The following CSMD2 variants were observed in gnomAD, a reference collection of about 807,000 sequenced individuals.
CSMD2 encodes the protein CUB and sushi domain-containing protein 2.
Under a neutral mutation model 398.5 loss-of-function variants are expected in CSMD2, and 130 were observed. The ratio of observed to expected loss-of-function variants is 0.33; its 90% CI spans 0.28 to 0.38. The LOEUF is 0.38. Among genes scored for constraint, CSMD2 ranks in the 10% least tolerant of loss-of-function variants. The pLI, the probability that CSMD2 is intolerant of heterozygous loss-of-function variation, is 1.00. For missense variants in CSMD2, 3,829 were observed against 4,764.9 expected, an observed-to-expected ratio of 0.80 and a Z score of 5.78; for synonymous variants, 1,828 against 1,908.5, an observed-to-expected ratio of 0.96 and a Z score of 1.10.
chr1:34,153,415 A>T (rs1052820224), intron 1 of CSMD2, among the ~76,000 whole-genome samples: 1 of 152,246 alleles, frequency 6.6e-6, no homozygotes, highest in Non-Finnish European at 1.5e-5. Context: ...AAAGATTATC[A>T]TATGGATATA....
At chr1:33,681,010 C>T (rs1018539976) in intron 25 of CSMD2, among the ~76,000 whole-genome samples, 13 of 145,288 alleles carry the variant, frequency 8.9e-5, no homozygotes, top group Admixed American at 6.5e-4. Context: ...CTATAAGCTC[C>T]GCCTCCTGTG....
chr1:33,692,899 C>G (rs772344290), intron 25 of CSMD2, 31 bp downstream of exon 25: 1 of 1,604,538 alleles, frequency 6.2e-7, no homozygotes, highest in Admixed American at 1.7e-5. Context: ...GAACAACTGG[C>G]GATAGTTACT....
chr1:33,737,361 G>A (rs935752583), intron 15 of CSMD2, among the ~76,000 whole-genome samples: 5 of 152,182 alleles, frequency 3.3e-5, no homozygotes, highest in African/African-American at 9.7e-5. Context: ...GGATGGAAAC[G>A]CACCACTTGA....
At chr1:33,845,194 G>T (rs1160607061) in intron 6 of CSMD2, among the ~76,000 whole-genome samples, 2 of 152,204 alleles carry the variant, frequency 1.3e-5, no homozygotes, top group Non-Finnish European at 2.9e-5. Flanking sequence ...CTGTAATTCT[G>T]CAAATACAGA....
intron 25 of CSMD2, among the ~76,000 whole-genome samples, chr1:33,675,672 C>T (rs1462427182): frequency 2.6e-5 from 4 of 152,162 alleles, no homozygotes; most frequent in Non-Finnish European, 5.9e-5. Flanking sequence ...GAATTTTAGA[C>T]CAATATCCTT....
rs1018360658 is a variant in CSMD2 at position 34,164,068 on chromosome 1, G to T, written c.187+843C>A. 1.6e-4 allele frequency among the ~76,000 whole-genome samples: 24 copies of T among 152,194 alleles called. No individual in the cohort carries two copies. Among genetic ancestry groups the T allele is most frequent in the African/African-American group, 5.1e-4 (21 of 41,566 alleles). ...GGGAGCTGGTCCCGCCGCCCGCGCC[G>T]CCGCTGCCGCTGCCGCAGCCGAGGC... On this transcript the variant is annotated intron_variant, in intron 1 of 70. Coordinates refer to ENST00000373381, the MANE Select transcript of CSMD2 (RefSeq NM_001281956.2). The surrounding 1 kb of genome is among the most constrained non-coding windows in gnomAD (Gnocchi z 6.2).
At chr1:34,159,328 G>GCCCCCCCCCCCCC (rs753448817) in intron 1 of CSMD2, among the ~76,000 whole-genome samples, 1 of 80,616 alleles carries the variant, frequency 1.2e-5, no homozygotes, top group Admixed American at 1.0e-4. Flanking sequence ...TTTACAGCCT[G>GCCCCCCCCCCCCC]CCCCCCCCCC....
chr1:33,719,658 C>G (rs1646289890), intron 19 of CSMD2, among the ~76,000 whole-genome samples: 1 of 152,138 alleles, frequency 6.6e-6, no homozygotes. Flanking sequence ...AAGGCATGGA[C>G]TTGGGGGTAA....
intron 1 of CSMD2, among the ~76,000 whole-genome samples, chr1:34,105,938 T>A (rs114988548): frequency 1.3e-5 from 2 of 152,156 alleles, no homozygotes; most frequent in African/African-American, 4.8e-5. Context: ...CAGTAGGAGA[T>A]TAGTGAAAAT....
In CSMD2 at chr1:33,864,161, C is replaced by T; in HGVS notation, c.921-17165G>A. 3.2e-6 allele frequency: 5 copies of T among 1,561,880 alleles called. No homozygotes were observed. In the South Asian group the frequency reaches 3.7e-5, roughly 12 times the overall value. ...ACAACAGTCTCTCCTGTCCACGTTA[C>T]TGAATCCAGAAAAAAGGTGAACTTA... On this transcript the variant is annotated intron_variant, in intron 5 of 70. Transcript: ENST00000373381.
intron 1 of CSMD2, among the ~76,000 whole-genome samples, chr1:34,103,656 CACTCAGTACACATTTTTAAA>C (rs1311606975): frequency 6.6e-6 from 1 of 152,106 alleles, no homozygotes; most frequent in Admixed American, 6.6e-5. Flanking sequence ...CCATAGTAGA[CACTCAGTACACATTTTTAAA>C]TGAATGAGTG....
chr1:33,734,585 G>C (rs1286408048), intron 15 of CSMD2, among the ~76,000 whole-genome samples: 1 of 152,110 alleles, frequency 6.6e-6, no homozygotes, highest in East Asian at 1.9e-4. Flanking sequence ...AGGAGTTTGA[G>C]ACCAGTCTGG....
At chr1:33,762,653 C>T (rs1649976976) in intron 13 of CSMD2, among the ~76,000 whole-genome samples, 1 of 152,182 alleles carries the variant, frequency 6.6e-6, no homozygotes, top group African/African-American at 2.4e-5. Context: ...TACAATCTTC[C>T]AAGAAGACTT....
intron 4 of CSMD2, among the ~76,000 whole-genome samples, chr1:33,919,960 G>A (rs1341474084): frequency 6.6e-6 from 1 of 152,170 alleles, no homozygotes; most frequent in East Asian, 1.9e-4. Context: ...TGGTCAGAAG[G>A]ATAAAGACAA....
intron 12 of CSMD2, among the ~76,000 whole-genome samples, chr1:33,785,855 C>T (rs1302146275): frequency 6.6e-6 from 1 of 152,230 alleles, no homozygotes; most frequent in Non-Finnish European, 1.5e-5. Context: ...ATTCCTCTTT[C>T]CCACATGAAA....
At chr1:33,845,726 G>A (rs562899742) in intron 6 of CSMD2, among the ~76,000 whole-genome samples, 4 of 152,176 alleles carry the variant, frequency 2.6e-5, no homozygotes, top group Non-Finnish European at 4.4e-5. Flanking sequence ...ATTTCAAATG[G>A]GTACACCACC....
In CSMD2 at chr1:33,726,657, G is replaced by A; in HGVS notation, c.2397C>T (p.Pro799=). 4 of 1,612,590 alleles carry A rather than the reference G, an allele frequency of 2.5e-6. No individual in the cohort carries two copies. The highest frequency in any genetic ancestry group is 3.4e-6 in the Non-Finnish European group (4 of 1,179,926). The change falls in exon 16 of 71, where the codon CCC becomes CCT. Residue 799 remains proline (P), a synonymous_variant. Coordinates refer to ENST00000373381, the MANE Select transcript of CSMD2 (RefSeq NM_001281956.2). The stretch of plus-strand genomic sequence containing the variant: ...AGCCCGGAGAGAGGATGGTGCCGCT[G>A]GGCGAAGTCAGGTGACCACCACAGG... ...EAPCGGHLTS[P]SGTILSPGWP...
intron 39 of CSMD2, among the ~76,000 whole-genome samples, chr1:33,615,655 G>C (rs763989422): frequency 2.6e-5 from 4 of 152,228 alleles, no homozygotes; most frequent in Admixed American, 6.5e-5. Flanking sequence ...CTTGGGACAA[G>C]GCTGGCACAT....
intron 3 of CSMD2, among the ~76,000 whole-genome samples, chr1:34,028,312 T>A (rs115632812): frequency 1.2e-3 from 175 of 152,166 alleles, no homozygotes; most frequent in African/African-American, 4.1e-3. Context: ...TGAGGCCCTA[T>A]CTCAAAAAAC....
Sources: allele counts gnomAD v4.1 joint callset (sites outside exome capture counted in the v4.1 genomes callset), GRCh38; gene constraint gnomAD v4.1.1; non-coding constraint Gnocchi (gnomAD v3.1); transcripts MANE v1.5; gene names NCBI Gene and HGNC (gene_info 2026-07-23, HGNC 2026-07-21).